GPATCH2: variants seen among roughly 807,000 people sequenced by gnomAD.
GPATCH2 encodes G patch domain-containing protein 2.
Under a neutral mutation model 58.0 loss-of-function variants are expected in GPATCH2, and 51 were observed. The ratio of observed to expected loss-of-function variants is 0.88; its 90% CI spans 0.70 to 1.11. The LOEUF is 1.11. GPATCH2 is among the 50% of genes most tolerant of loss of function. GPATCH2 has a pLI of 0.00. For synonymous variants in GPATCH2, 222 were observed against 218.5 expected (o/e 1.02, Z -0.14); for missense variants, 625 against 652.2 (o/e 0.96, Z 0.45).
At chr1:217,598,824 G>C (rs749091884) in intron 5 of GPATCH2, among the ~76,000 whole-genome samples, 1 of 152,186 alleles carries the variant, frequency 6.6e-6, no homozygotes, top group Non-Finnish European at 1.5e-5. Flanking sequence ...GCTACTGTAT[G>C]TGCTAACAGG....
intron 5 of GPATCH2, among the ~76,000 whole-genome samples, chr1:217,546,998 A>C (rs1485594508): frequency 6.6e-6 from 1 of 152,186 alleles, no homozygotes; most frequent in Non-Finnish European, 1.5e-5. Flanking sequence ...AAAAAAGCTC[A>C]ACATCACTGA....
intron 1 of GPATCH2, among the ~76,000 whole-genome samples, chr1:217,621,680 T>C (rs1402874631): frequency 6.6e-6 from 1 of 152,232 alleles, no homozygotes; most frequent in African/African-American, 2.4e-5. Context: ...ATAGTCTATA[T>C]AGTCTCTACA....
chr1:217,623,246 T>C (rs866293493), intron 1 of GPATCH2, among the ~76,000 whole-genome samples: 2 of 152,144 alleles, frequency 1.3e-5, no homozygotes, highest in Admixed American at 1.3e-4. Context: ...TAATAAAACA[T>C]GAAATTAACT....
intron 7 of GPATCH2, among the ~76,000 whole-genome samples, chr1:217,493,699 A>G (rs1190148935): frequency 6.6e-6 from 1 of 152,190 alleles, no homozygotes; most frequent in African/African-American, 2.4e-5. Context: ...ATTGTTTCTG[A>G]AAATAAAGAA....
intron 5 of GPATCH2, among the ~76,000 whole-genome samples, chr1:217,538,859 ATAC>A (rs1664598359): frequency 6.6e-6 from 1 of 152,166 alleles, no homozygotes; most frequent in South Asian, 2.1e-4. Context: ...TATGAATGCT[ATAC>A]TGTCAAACAG....
At chr1:217,556,186 A>T (rs1259676606) in intron 5 of GPATCH2, among the ~76,000 whole-genome samples, 2 of 152,186 alleles carry the variant, frequency 1.3e-5, no homozygotes, top group African/African-American at 4.8e-5. Context: ...TTAAACTCTG[A>T]AATATAGCTT....
chr1:217,624,884 C>A (rs1223922465), intron 1 of GPATCH2, among the ~76,000 whole-genome samples: 1 of 152,108 alleles, frequency 6.6e-6, no homozygotes, highest in East Asian at 1.9e-4. Flanking sequence ...TGGGTAATAT[C>A]TAAGATAACA....
intron 8 of GPATCH2, 175 bp downstream of exon 8, chr1:217,491,505 A>T (rs1639628803): frequency 6.4e-6 from 2 of 314,470 alleles, no homozygotes; most frequent in African/African-American, 4.3e-5. Context: ...AAATATAAAT[A>T]AAATATCTTT....
chr1:217,543,132 G>T (rs1664837644), intron 5 of GPATCH2, among the ~76,000 whole-genome samples: 1 of 152,014 alleles, frequency 6.6e-6, no homozygotes, highest in Non-Finnish European at 1.5e-5. Flanking sequence ...GATGCCTTAG[G>T]GACTAAGAAA....
chr1:217,438,493 CT>C (rs1370690836), intron 9 of GPATCH2, among the ~76,000 whole-genome samples: 3 of 151,856 alleles, frequency 2.0e-5, no homozygotes, highest in African/African-American at 7.3e-5. Flanking sequence ...AAAAAGGTAA[CT>C]AGAATAACCA....
intron 1 of GPATCH2, among the ~76,000 whole-genome samples, chr1:217,626,862 TTC>T (rs1207624106): frequency 6.6e-6 from 1 of 152,126 alleles, no homozygotes; most frequent in Non-Finnish European, 1.5e-5. Flanking sequence ...AGTAAATTTT[TTC>T]TCTCTTTTTG....
chr1:217,606,853 A>G (rs1471626529), intron 5 of GPATCH2, among the ~76,000 whole-genome samples: 2 of 152,196 alleles, frequency 1.3e-5, no homozygotes, highest in Non-Finnish European at 2.9e-5. Flanking sequence ...TAATAGTAAC[A>G]ATCATTTATT....
intron 5 of GPATCH2, among the ~76,000 whole-genome samples, chr1:217,520,505 G>C (rs1379950955): frequency 6.6e-6 from 1 of 152,172 alleles, no homozygotes; most frequent in Non-Finnish European, 1.5e-5. Flanking sequence ...CTTATTAGCA[G>C]AGCTCACACT....
intron 9 of GPATCH2, among the ~76,000 whole-genome samples, chr1:217,435,840 T>C (rs1289392456): frequency 3.3e-5 from 5 of 152,204 alleles, no homozygotes; most frequent in African/African-American, 9.6e-5. Context: ...ATTCTTCGTC[T>C]AATATTTTAA....
At chr1:217,534,900 T>C (rs1004961331) in intron 5 of GPATCH2, among the ~76,000 whole-genome samples, 2 of 152,260 alleles carry the variant, frequency 1.3e-5, no homozygotes, top group African/African-American at 4.8e-5. Context: ...TCATACTGTC[T>C]TGTTCAAATT....
At chr1:217,608,894 A>G (rs1363264257) in intron 5 of GPATCH2, 2 of 982,246 alleles carry the variant, frequency 2.0e-6, no homozygotes, top group Non-Finnish European at 2.4e-6. Flanking sequence ...TCTCCAAATT[A>G]GACAAGCAAT....
At chr1:217,615,783 G>A (rs951192317) in intron 2 of GPATCH2, among the ~76,000 whole-genome samples, 3 of 152,034 alleles carry the variant, frequency 2.0e-5, no homozygotes, top group African/African-American at 7.2e-5. Flanking sequence ...ATTAAGTACA[G>A]GTCAAATTAA....
At chr1:217,462,288 T>C (rs1041561754) in intron 8 of GPATCH2, among the ~76,000 whole-genome samples, 8 of 152,172 alleles carry the variant, frequency 5.3e-5, no homozygotes, top group Non-Finnish European at 1.2e-4. Flanking sequence ...AACATACAAG[T>C]CCCTATGTTT....
chr1:217,610,784 T>TTACA, intron 4 of GPATCH2, 105 bp downstream of exon 4: 1 of 734,808 alleles, frequency 1.4e-6, no homozygotes, highest in Admixed American at 2.7e-5. Flanking sequence ...TACAGCATCT[T>TTACA]GTGTTTACAT....
Sources: allele counts gnomAD v4.1 joint callset (sites outside exome capture counted in the v4.1 genomes callset), GRCh38; gene constraint gnomAD v4.1.1; transcripts MANE v1.5; gene names NCBI Gene and HGNC (gene_info 2026-07-23, HGNC 2026-07-21).